Variants in MGAT4C observed in about 807,000 individuals in gnomAD.
MGAT4C encodes the protein MGAT4 family member C.
MGAT4C carries 19 observed loss-of-function variants against 40.1 expected under a neutral mutation model. The observed-to-expected ratio is 0.47, with a 90% CI of 0.33 to 0.70. The LOEUF (loss-of-function observed/expected upper bound fraction) is 0.70. MGAT4C is among the 30% of genes least tolerant of loss of function. The pLI is 0.02. For missense variants in MGAT4C, 491 were observed against 563.2 expected, an observed-to-expected ratio of 0.87 and a Z score of 1.30; for synonymous variants, 181 against 187.1, an observed-to-expected ratio of 0.97 and a Z score of 0.27.
intron 1 of MGAT4C, among the ~76,000 whole-genome samples, chr12:86,239,358 T>A (rs969342923): frequency 1.3e-5 from 2 of 152,076 alleles, no homozygotes; most frequent in African/African-American, 4.8e-5. Flanking sequence ...AATTTAAGGT[T>A]TAAATTAAAT....
At chr12:86,580,929 T>C (rs1960755776) in intron 2 of MGAT4C, among the ~76,000 whole-genome samples, 1 of 151,450 alleles carries the variant, frequency 6.6e-6, no homozygotes, top group East Asian at 1.9e-4. Context: ...CCAGAACGTA[T>C]GGTTAGCCTA....
chr12:86,632,283 T>C (rs1027523639), intron 2 of MGAT4C, among the ~76,000 whole-genome samples: 14 of 152,068 alleles, frequency 9.2e-5, no homozygotes, highest in Non-Finnish European at 1.8e-4. Context: ...TGTAGAGAAA[T>C]AGGAATGCTT....
chr12:86,269,292 T>G (rs963493677), intron 4 of MGAT4C, among the ~76,000 whole-genome samples: 1 of 151,260 alleles, frequency 6.6e-6, no homozygotes, highest in Admixed American at 6.6e-5. Flanking sequence ...TCTACATATT[T>G]GTCTTTATTA....
chr12:86,758,423 C>T (rs1244237372), intron 1 of MGAT4C, among the ~76,000 whole-genome samples: 1 of 145,012 alleles, frequency 6.9e-6, no homozygotes, highest in Non-Finnish European at 1.5e-5. Context: ...TTAGTATTTA[C>T]TTAGCACAAT....
chr12:86,786,234 T>A (rs2136188442), intron 1 of MGAT4C, among the ~76,000 whole-genome samples: 1 of 152,220 alleles, frequency 6.6e-6, no homozygotes. Context: ...ATGCATAAAG[T>A]GCTTTGTGAA....
intron 3 of MGAT4C, among the ~76,000 whole-genome samples, chr12:86,354,883 A>T (rs1955271444): frequency 6.6e-6 from 1 of 152,196 alleles, no homozygotes; most frequent in South Asian, 2.1e-4. Flanking sequence ...CCAAAGAGTG[A>T]GCAGCAGCAA....
chr12:86,447,513 A>C (rs1374612466), intron 2 of MGAT4C, among the ~76,000 whole-genome samples: 2 of 152,156 alleles, frequency 1.3e-5, no homozygotes, highest in Non-Finnish European at 2.9e-5. Flanking sequence ...GATATTTACC[A>C]CTAAATAAAA....
intron 4 of MGAT4C, among the ~76,000 whole-genome samples, chr12:86,271,789 T>C (rs949937761): frequency 2.6e-5 from 4 of 152,204 alleles, no homozygotes; most frequent in Non-Finnish European, 5.9e-5. Context: ...ATATTTGGTA[T>C]ATATACAGCA....
At chr12:86,755,053 T>G (rs1951279425) in intron 1 of MGAT4C, among the ~76,000 whole-genome samples, 1 of 152,164 alleles carries the variant, frequency 6.6e-6, no homozygotes, top group African/African-American at 2.4e-5. Context: ...CTAATCTGTA[T>G]GTTGCTGTGA....
chr12:86,301,056 C>T (rs1031197676), intron 4 of MGAT4C, among the ~76,000 whole-genome samples: 3 of 152,086 alleles, frequency 2.0e-5, no homozygotes, highest in Non-Finnish European at 4.4e-5. Context: ...GACATTAACT[C>T]TTTTTAATTC....
At chr12:86,294,819 A>G (rs1293037202) in intron 4 of MGAT4C, among the ~76,000 whole-genome samples, 1 of 152,142 alleles carries the variant, frequency 6.6e-6, no homozygotes, top group Non-Finnish European at 1.5e-5. Context: ...TCAACTCACT[A>G]CTTCCAAGAT....
At chr12:86,803,888 C>A in intron 1 of MGAT4C, among the ~76,000 whole-genome samples, 1 of 150,168 alleles carries the variant, frequency 6.7e-6, no homozygotes, top group Non-Finnish European at 1.5e-5. Context: ...ACTAGAAATA[C>A]CATTTGACCC....
At chr12:86,659,922 G>C (rs1963939776) in intron 2 of MGAT4C, among the ~76,000 whole-genome samples, 1 of 150,918 alleles carries the variant, frequency 6.6e-6, no homozygotes, top group Non-Finnish European at 1.5e-5. Context: ...TGCAAGAGCA[G>C]GGTGATTAAA....
chr12:86,696,554 T>C (rs1348104952), intron 2 of MGAT4C, among the ~76,000 whole-genome samples: 1 of 152,200 alleles, frequency 6.6e-6, no homozygotes, highest in African/African-American at 2.4e-5. Flanking sequence ...GGATGCAAAA[T>C]ATTCATTGAA....
chr12:86,381,002 G>A (rs1339130575), intron 3 of MGAT4C, among the ~76,000 whole-genome samples: 1 of 152,068 alleles, frequency 6.6e-6, no homozygotes, highest in Non-Finnish European at 1.5e-5. Context: ...GGCAAGAATA[G>A]CATACATGTT....
At position 85,969,521 on chromosome 12, in the gene MGAT4C, G is replaced by A. The variant is rs931167112; in HGVS notation, c.*9768C>T. The stretch of plus-strand genomic sequence containing the variant: ...TTTGGAATAACAGAAATTAGGTTGT[G>A]GTTCAGTGGAATTACAGAAGCAAGT... On this transcript the variant is annotated 3_prime_UTR_variant, in exon 5 of 5. Coordinates refer to ENST00000611864, the MANE Select transcript of MGAT4C (RefSeq NM_001351288.2). 9.9e-5 allele frequency: 15 copies of A among 151,416 alleles called. 1 individual carries two copies. Among genetic ancestry groups the A allele is most frequent in the African/African-American group, 3.6e-4 (15 of 41,318 alleles). The allele number at this position is 151,416 out of a possible 1,614,324, so 9.4% of individuals were successfully genotyped here.
intron 2 of MGAT4C, among the ~76,000 whole-genome samples, chr12:86,615,781 C>T (rs2136481359): frequency 6.6e-6 from 1 of 152,100 alleles, no homozygotes; most frequent in African/African-American, 2.4e-5. Context: ...AGTATTTTCC[C>T]AAACTTATCT....
Position 85,957,019 on chromosome 12 carries a change from T to C in MGAT4C, c.*22270A>G, listed in dbSNP as rs1367638498. ...TTTCATGGCTATGTGGAACCATTGG[T>C]TGGACACATAAAATGAGAGTATGTA... On this transcript the variant is annotated 3_prime_UTR_variant, in exon 5 of 5. Transcript: ENST00000611864. 1.3e-5 allele frequency: 2 copies of C among 152,252 alleles called. No individual in the cohort carries two copies. Among genetic ancestry groups the C allele is most frequent in the East Asian group, 3.9e-4 (2 of 5,176 alleles). The allele number at this position is 152,252 out of a possible 1,614,324, so 9.4% of individuals were successfully genotyped here.
chr12:86,509,301 C>T (rs1958529941), intron 2 of MGAT4C, among the ~76,000 whole-genome samples: 2 of 152,098 alleles, frequency 1.3e-5, no homozygotes, highest in African/African-American at 4.8e-5. Flanking sequence ...TTCCCAGCAC[C>T]ATTTATTTAA....
Sources: allele counts gnomAD v4.1 joint callset (sites outside exome capture counted in the v4.1 genomes callset), GRCh38; gene constraint gnomAD v4.1.1; transcripts MANE v1.5; gene names NCBI Gene and HGNC (gene_info 2026-07-23, HGNC 2026-07-21).